MACROD2: variants seen among roughly 807,000 people sequenced by gnomAD.
MACROD2 encodes mono-ADP ribosylhydrolase 2, also known as ADP-ribose glycohydrolase MACROD2.
Under a neutral mutation model 70.4 loss-of-function variants are expected in MACROD2, and 36 were observed. That is an observed-to-expected ratio of 0.51 (90% CI 0.39 to 0.68). The LOEUF is 0.68. Ranked by LOEUF, MACROD2 falls within the 30% of genes least tolerant of loss-of-function variation. The pLI is 0.00. For missense variants in MACROD2, 496 were observed against 538.4 expected (o/e 0.92, Z 0.78); for synonymous variants, 172 against 178.8 (o/e 0.96, Z 0.30).
intron 5 of MACROD2, among the ~76,000 whole-genome samples, chr20:14,768,610 T>C (rs1299382952): frequency 1.3e-5 from 2 of 151,992 alleles, no homozygotes; most frequent in African/African-American, 4.8e-5. Context: ...TGAGCCACTG[T>C]GCCCGACCTT....
intron 6 of MACROD2, among the ~76,000 whole-genome samples, chr20:15,393,803 G>A (rs1002386242): frequency 3.3e-5 from 5 of 152,092 alleles, no homozygotes; most frequent in African/African-American, 1.2e-4. Flanking sequence ...AACAAGGTAA[G>A]CCTGCCTTCT....
intron 3 of MACROD2, among the ~76,000 whole-genome samples, chr20:14,098,571 T>C (rs2054260160): frequency 6.6e-6 from 1 of 152,150 alleles, no homozygotes. Flanking sequence ...AAATAACATA[T>C]TAGGACTGCA....
intron 2 of MACROD2, among the ~76,000 whole-genome samples, chr20:14,037,126 T>TTA (rs2053322635): frequency 6.6e-6 from 1 of 152,204 alleles, no homozygotes; most frequent in South Asian, 2.1e-4. Context: ...TTAAAGGGTA[T>TTA]TATATACCTG....
chr20:15,142,173 C>T (rs2076196608), intron 5 of MACROD2, among the ~76,000 whole-genome samples: 1 of 152,156 alleles, frequency 6.6e-6, no homozygotes, highest in South Asian at 2.1e-4. Context: ...TGTGTCTCTC[C>T]TAGCATCTAA....
intron 5 of MACROD2, among the ~76,000 whole-genome samples, chr20:15,000,414 G>A (rs2074984420): frequency 7.7e-6 from 1 of 130,498 alleles, no homozygotes; most frequent in East Asian, 2.0e-4. Context: ...ATGAGGTCAG[G>A]AGATCGAGAC....
intron 2 of MACROD2, among the ~76,000 whole-genome samples, chr20:14,023,165 G>A (rs6110137): frequency 0.15 from 22,998 of 152,164 alleles, 1,933 homozygotes; most frequent in Admixed American, 0.22. Flanking sequence ...GTGATGATGA[G>A]CTTTTTTTCA....
chr20:14,335,230 A>G (rs1245027293), intron 3 of MACROD2, among the ~76,000 whole-genome samples: 1 of 152,194 alleles, frequency 6.6e-6, no homozygotes, highest in Non-Finnish European at 1.5e-5. Flanking sequence ...ATCTAGAGAG[A>G]CTGAGTGTTC....
chr20:14,427,197 TCTTTA>T (rs1325577747), intron 3 of MACROD2, among the ~76,000 whole-genome samples: 2 of 152,088 alleles, frequency 1.3e-5, no homozygotes, highest in African/African-American at 4.8e-5. Flanking sequence ...CCTCTGTCTT[TCTTTA>T]CTTGTCATGC....
intron 6 of MACROD2, among the ~76,000 whole-genome samples, chr20:15,273,112 G>T (rs759219055): frequency 6.6e-6 from 1 of 152,162 alleles, no homozygotes; most frequent in African/African-American, 2.4e-5. Context: ...GTGTCTATGA[G>T]GATGTTGCCA....
chr20:14,210,580 A>T (rs2081562534), intron 3 of MACROD2, among the ~76,000 whole-genome samples: 2 of 152,162 alleles, frequency 1.3e-5, no homozygotes, highest in Admixed American at 1.3e-4. Context: ...CAGGATTAGC[A>T]AATTGTTTTC....
chr20:14,857,625 C>A (rs1051227530), intron 5 of MACROD2, among the ~76,000 whole-genome samples: 3 of 152,032 alleles, frequency 2.0e-5, no homozygotes, highest in Non-Finnish European at 4.4e-5. Flanking sequence ...GACTTAAAAG[C>A]CACGAAGTGA....
At chr20:15,579,274 A>G (rs2048491353) in intron 8 of MACROD2, among the ~76,000 whole-genome samples, 1 of 152,218 alleles carries the variant, frequency 6.6e-6, no homozygotes, top group South Asian at 2.1e-4. Context: ...CATACCCAGT[A>G]GCAAGCTCTG....
chr20:14,719,473 G>GAAAAAAA (rs11087105), intron 5 of MACROD2, among the ~76,000 whole-genome samples: 55 of 136,216 alleles, frequency 4.0e-4, no homozygotes, highest in East Asian at 6.4e-4. Flanking sequence ...AAGATAGAAA[G>GAAAAAAA]AAAAAAAAAA....
At chr20:15,750,843 C>T (rs959355981) in intron 8 of MACROD2, among the ~76,000 whole-genome samples, 2 of 151,384 alleles carry the variant, frequency 1.3e-5, no homozygotes, top group Non-Finnish European at 3.0e-5. Context: ...ATCTGGAGGA[C>T]AGAACAAATA....
At chr20:15,984,631 TCC>T (rs57030785) in intron 13 of MACROD2, among the ~76,000 whole-genome samples, 14 of 147,990 alleles carry the variant, frequency 9.5e-5, no homozygotes, top group Middle Eastern at 3.5e-3. Flanking sequence ...AAATTTTGCC[TCC>T]CCCCCCCGCC....
intron 8 of MACROD2, among the ~76,000 whole-genome samples, chr20:15,512,898 G>A (rs182718205): frequency 6.6e-6 from 1 of 152,228 alleles, no homozygotes; most frequent in Non-Finnish European, 1.5e-5. Context: ...GATGGGGTGT[G>A]CATTTGACAG....
At chr20:15,601,891 G>A (rs1221866823) in intron 8 of MACROD2, among the ~76,000 whole-genome samples, 1 of 152,070 alleles carries the variant, frequency 6.6e-6, no homozygotes, top group Non-Finnish European at 1.5e-5. Context: ...AGCCGGGTGT[G>A]TTGGCATGCA....
At chr20:15,439,144 A>G (rs74458613) in intron 7 of MACROD2, among the ~76,000 whole-genome samples, 4,430 of 152,210 alleles carry the variant, frequency 0.029, 220 homozygotes, top group African/African-American at 0.1. Context: ...CCATGGAACA[A>G]TGGTCACTCA....
At chr20:14,466,883 G>T (rs903082381) in intron 3 of MACROD2, among the ~76,000 whole-genome samples, 2 of 152,046 alleles carry the variant, frequency 1.3e-5, no homozygotes, top group Admixed American at 6.5e-5. Flanking sequence ...CTGCCTGATC[G>T]TTCCTCTGGA....
Sources: allele counts gnomAD v4.1 joint callset (sites outside exome capture counted in the v4.1 genomes callset), GRCh38; gene constraint gnomAD v4.1.1; transcripts MANE v1.5; gene names NCBI Gene and HGNC (gene_info 2026-07-23, HGNC 2026-07-21).